The following MMP16 variants were observed in gnomAD, a reference collection of about 807,000 sequenced individuals.
MMP16 encodes matrix metallopeptidase 16.
MMP16 carries 12 observed loss-of-function variants against 67.8 expected under a neutral mutation model. The ratio of observed to expected loss-of-function variants is 0.18; its 90% CI spans 0.11 to 0.29. The LOEUF is 0.29. Ranked by LOEUF, MMP16 falls within the 10% of genes least tolerant of loss-of-function variation. MMP16 has a pLI of 1.00. For missense variants in MMP16, 475 were observed against 765.7 expected, an observed-to-expected ratio of 0.62 and a Z score of 4.48; for synonymous variants, 249 against 255.9, an observed-to-expected ratio of 0.97 and a Z score of 0.26.
chr8:88,291,013 A>T (rs991961869), intron 1 of MMP16, among the ~76,000 whole-genome samples: 3 of 152,090 alleles, frequency 2.0e-5, no homozygotes, highest in African/African-American at 7.2e-5. Context: ...AGGCGTGGTG[A>T]CTCATGCCTG....
At chr8:88,063,727 C>T (rs571153341) in intron 7 of MMP16, among the ~76,000 whole-genome samples, 1 of 152,116 alleles carries the variant, frequency 6.6e-6, no homozygotes, top group Middle Eastern at 3.4e-3. Context: ...GTCCAGGCCT[C>T]TTGATTCAGT....
Position 88,327,233 on chromosome 8 carries a change from G to C in MMP16, c.-27C>G. 1 of 1,612,954 alleles carries C rather than the reference G, an allele frequency of 6.2e-7. No homozygotes were observed. ...GTGAACTGTGCTTCAATGGATGGAC[G>C]AGCTCCCCTTCGTTTTCTCCCTCTC... On this transcript the variant is annotated 5_prime_UTR_variant, in exon 1 of 10. Coordinates refer to ENST00000286614, the MANE Select transcript of MMP16 (RefSeq NM_005941.5).
At chr8:88,123,022 C>G (rs1807866331) in intron 4 of MMP16, among the ~76,000 whole-genome samples, 1 of 151,714 alleles carries the variant, frequency 6.6e-6, no homozygotes, top group South Asian at 2.1e-4. Flanking sequence ...ATAACTCTAG[C>G]CAGAACCACC....
At chr8:88,095,851 T>G (rs1178223520) in intron 6 of MMP16, among the ~76,000 whole-genome samples, 1 of 151,854 alleles carries the variant, frequency 6.6e-6, no homozygotes, top group Non-Finnish European at 1.5e-5. Context: ...ATTTTCCACC[T>G]CCAAAAGCTA....
intron 1 of MMP16, among the ~76,000 whole-genome samples, chr8:88,292,744 C>G (rs1033676157): frequency 6.6e-6 from 1 of 152,122 alleles, no homozygotes; most frequent in Non-Finnish European, 1.5e-5. Context: ...TTAATCCATT[C>G]ACACCACCAA....
intron 1 of MMP16, among the ~76,000 whole-genome samples, chr8:88,287,231 C>G (rs185260250): frequency 4.6e-5 from 7 of 152,200 alleles, no homozygotes; most frequent in Admixed American, 4.6e-4. Context: ...GAGTCTCTCT[C>G]TGAGCGCCAG....
In MMP16 at chr8:88,039,387, A is replaced by C. The variant is rs1808101103; in HGVS notation, c.*2074T>G. ...TGTAAAGAGCAAAGTGTCCATCTGCAGATCTGCCATCACCACTCTCTCCAC... is the reference window on the plus strand; with the variant it reads ...TGTAAAGAGCAAAGTGTCCATCTGCCGATCTGCCATCACCACTCTCTCCAC... On this transcript the variant is annotated 3_prime_UTR_variant, in exon 10 of 10. Coordinates refer to ENST00000286614, the MANE Select transcript of MMP16 (RefSeq NM_005941.5). This position sits in a 1 kb window ranked among gnomAD's most constrained non-coding sequence, Gnocchi z 4.5. 1 of 152,524 alleles carries C rather than the reference A, an allele frequency of 6.6e-6. No homozygotes were observed. Among genetic ancestry groups the C allele is most frequent in the Non-Finnish European group, 1.5e-5 (1 of 68,022 alleles). 9.4% of individuals were successfully genotyped at this position (152,524 alleles called of 1,614,324 possible). A position where few individuals can be genotyped will look rare whatever the true frequency, so the allele number is the denominator to read the frequency against.
chr8:88,138,566 C>T (rs556941246), intron 4 of MMP16, among the ~76,000 whole-genome samples: 8 of 152,094 alleles, frequency 5.3e-5, no homozygotes, highest in South Asian at 2.1e-4. Flanking sequence ...GCCCCTTAAT[C>T]GTGGCTTCCT....
chr8:88,133,194 AT>A lies in MMP16; in HGVS notation c.710-14334del, dbSNP rs1808062018. Reference sequence around the variant, plus strand: ...AGAGAGGAAAAAAGAATCGTATTGAATTATCTTGCCATTACCTTTATTAAAT... The same window carrying A: ...AGAGAGGAAAAAAGAATCGTATTGAATATCTTGCCATTACCTTTATTAAAT... On this transcript the variant is annotated intron_variant, in intron 4 of 9. Coordinates refer to ENST00000286614, the MANE Select transcript of MMP16 (RefSeq NM_005941.5). Among the ~76,000 whole-genome samples the A allele has an allele frequency of 2.0e-5, 3 of 151,390 alleles. No individual in the cohort carries two copies. The South Asian group carries it at 6.2e-4, about 32-fold the overall frequency.
At chr8:88,289,215 G>C (rs1810882340) in intron 1 of MMP16, among the ~76,000 whole-genome samples, 1 of 152,116 alleles carries the variant, frequency 6.6e-6, no homozygotes, top group Non-Finnish European at 1.5e-5. Context: ...GGATGAATCA[G>C]AGCAGCAAAA....
intron 1 of MMP16, among the ~76,000 whole-genome samples, chr8:88,259,853 T>C (rs1227605044): frequency 6.6e-6 from 1 of 152,172 alleles, no homozygotes; most frequent in African/African-American, 2.4e-5. Flanking sequence ...TCAATGTCAA[T>C]GAGAATGGAA....
chr8:88,216,725 T>C (rs1274678027), intron 1 of MMP16, among the ~76,000 whole-genome samples: 6 of 152,146 alleles, frequency 3.9e-5, no homozygotes, highest in Non-Finnish European at 5.9e-5. Context: ...TTCAGAAATA[T>C]CTCAATTGAT....
chr8:88,262,687 G>C (rs1228907468), intron 1 of MMP16, among the ~76,000 whole-genome samples: 9 of 151,730 alleles, frequency 5.9e-5, no homozygotes, highest in Non-Finnish European at 1.5e-5. Context: ...CAAGTAATTG[G>C]CAATTTTGGA....
At chr8:88,149,436 A>G (rs1200803072) in intron 4 of MMP16, among the ~76,000 whole-genome samples, 1 of 152,178 alleles carries the variant, frequency 6.6e-6, no homozygotes, top group Non-Finnish European at 1.5e-5. Context: ...AGACAGCAGT[A>G]ACCTCTGCAG....
chr8:88,293,830 AC>A (rs1314756571), intron 1 of MMP16, among the ~76,000 whole-genome samples: 1 of 152,134 alleles, frequency 6.6e-6, no homozygotes, highest in Non-Finnish European at 1.5e-5. Context: ...TCTCTTCTTT[AC>A]ATAAAGCTAT....
intron 1 of MMP16, among the ~76,000 whole-genome samples, chr8:88,247,872 C>G (rs2129916374): frequency 6.6e-6 from 1 of 152,120 alleles, no homozygotes; most frequent in South Asian, 2.1e-4. Context: ...CCTCCCCCTA[C>G]TCTCTCTCAT....
intron 2 of MMP16, among the ~76,000 whole-genome samples, chr8:88,188,937 G>A (rs1256724967): frequency 6.6e-6 from 1 of 152,184 alleles, no homozygotes; most frequent in East Asian, 1.9e-4. Context: ...TTACAGGCAT[G>A]AGCCACCGTG....
chr8:88,041,337 G>C lies in MMP16; in HGVS notation c.*124C>G. The C allele has an allele frequency of 4.2e-6, 4 of 953,208 alleles. No individual in the cohort carries two copies. The highest frequency in any genetic ancestry group is 6.4e-6 in the Non-Finnish European group (4 of 625,720). 59.0% of individuals were successfully genotyped at this position (953,208 alleles called of 1,614,324 possible). A position where few individuals can be genotyped will look rare whatever the true frequency, so the allele number is the denominator to read the frequency against. ...GACCAGCAACCCTCTGGGTTTGAAAGGTCAGCCCCGAATCAGGCTGCCACA... is the reference window on the plus strand; with the variant it reads ...GACCAGCAACCCTCTGGGTTTGAAACGTCAGCCCCGAATCAGGCTGCCACA... On this transcript the variant is annotated 3_prime_UTR_variant, in exon 10 of 10. Transcript: ENST00000286614. The surrounding 1 kb of genome is among the most constrained non-coding windows in gnomAD (Gnocchi z 6.0).
At chr8:88,289,152 A>G (rs1053862326) in intron 1 of MMP16, among the ~76,000 whole-genome samples, 1 of 152,162 alleles carries the variant, frequency 6.6e-6, no homozygotes, top group East Asian at 1.9e-4. Flanking sequence ...AGAGAGAGAC[A>G]GAAGAAGAGA....
Sources: gnomAD v4.1 joint callset for allele counts (sites outside exome capture counted in the v4.1 genomes callset) on GRCh38, gnomAD v4.1.1 for gene constraint, Gnocchi (gnomAD v3.1) non-coding constraint, MANE v1.5 for transcripts, NCBI Gene and HGNC (gene_info 2026-07-23, HGNC 2026-07-21) for gene names.